Variants in CLASP2 observed in about 807,000 individuals in gnomAD.
CLASP2 encodes the protein cytoplasmic linker associated protein 2.
Under a neutral mutation model 194.4 loss-of-function variants are expected in CLASP2, and 47 were observed. The observed-to-expected ratio is 0.24, with a 90% CI of 0.19 to 0.31. The LOEUF (loss-of-function observed/expected upper bound fraction) is 0.31, where lower values mean the gene tolerates loss of function less well. Ranked by LOEUF, CLASP2 falls within the 10% of genes least tolerant of loss-of-function variation. CLASP2 has a pLI of 1.00. For synonymous variants in CLASP2, 619 were observed against 633.5 expected (o/e 0.98, Z 0.34); for missense variants, 1,445 against 1,823.6 (o/e 0.79, Z 3.78).
chr3:33,535,370 A>T lies in CLASP2; in HGVS notation c.3650T>A (p.Leu1217His). 1 of 1,613,940 alleles carries T rather than the reference A, an allele frequency of 6.2e-7. No homozygotes were observed. Among genetic ancestry groups the T allele is most frequent in the Non-Finnish European group, 8.5e-7 (1 of 1,179,868 alleles). Residue 1217 changes from leucine (L) to histidine (H), a missense_variant, in exon 34 of 39, where the codon CTC becomes CAC. Physicochemically the swap from Leu to His is moderately conservative, Grantham distance 99 (BLOSUM62 -3). Transcript: ENST00000682230. Reference protein sequence around the residue: ...QTALDNKASLLHSMPTHSSPR... With the variant: ...QTALDNKASLHHSMPTHSSPR... Reference sequence around the variant, plus strand: ...AGAGGAGTGAGTAGGCATTGAATGGAGCAATGAAGCTTTATTATCAAGAGC... The same window carrying T: ...AGAGGAGTGAGTAGGCATTGAATGGTGCAATGAAGCTTTATTATCAAGAGC...
At chr3:33,667,720 T>C (rs139886436) in intron 6 of CLASP2, among the ~76,000 whole-genome samples, 14 of 152,236 alleles carry the variant, frequency 9.2e-5, no homozygotes, top group African/African-American at 3.1e-4. Context: ...ATCCAGTTTA[T>C]AAAGCACCAC....
intron 7 of CLASP2, among the ~76,000 whole-genome samples, chr3:33,649,361 C>T (rs1401650073): frequency 6.6e-6 from 1 of 152,158 alleles, no homozygotes; most frequent in African/African-American, 2.4e-5. Context: ...AATATATGAG[C>T]TGTGGGATTA....
At position 33,607,479 on chromosome 3, in the gene CLASP2, T is replaced by G. The variant is rs1217542272; in HGVS notation, c.1449-18A>C. On this transcript the variant is annotated intron_variant, in intron 14 of 38. Coordinates refer to ENST00000682230, the MANE Select transcript of CLASP2 (RefSeq NM_001365631.1). ...CTGCATGTCTATAAAATAAAATACA[T>G]CTTTAGAGTTATGATATAGCTGTAT... The G allele has an allele frequency of 3.2e-6, 5 of 1,554,584 alleles. No individual in the cohort carries two copies. The highest frequency in any genetic ancestry group is 2.7e-5 in the African/African-American group (2 of 73,648).
chr3:33,703,152 A>G (rs777106905), intron 1 of CLASP2, among the ~76,000 whole-genome samples: 2 of 152,224 alleles, frequency 1.3e-5, no homozygotes, highest in Non-Finnish European at 2.9e-5. Flanking sequence ...GAAGATGTCT[A>G]CAGAATGGGA....
chr3:33,613,026 G>C (rs2075474544), intron 12 of CLASP2, among the ~76,000 whole-genome samples: 1 of 152,138 alleles, frequency 6.6e-6, no homozygotes, highest in East Asian at 1.9e-4. Flanking sequence ...AGCTAAAAGA[G>C]AATAATTAGA....
At chr3:33,653,380 A>C (rs1031227404) in intron 7 of CLASP2, among the ~76,000 whole-genome samples, 1 of 152,188 alleles carries the variant, frequency 6.6e-6, no homozygotes, top group Non-Finnish European at 1.5e-5. Flanking sequence ...TCTAGTGTGC[A>C]GGAAGAATAT....
At chr3:33,609,964 G>C (rs532468848) in intron 13 of CLASP2, among the ~76,000 whole-genome samples, 1 of 152,172 alleles carries the variant, frequency 6.6e-6, no homozygotes, top group Non-Finnish European at 1.5e-5. Flanking sequence ...TCTGACTCCA[G>C]AACTCACAGT....
At chr3:33,653,916 A>C (rs2083660054) in intron 7 of CLASP2, among the ~76,000 whole-genome samples, 2 of 152,140 alleles carry the variant, frequency 1.3e-5, no homozygotes, top group Non-Finnish European at 2.9e-5. Context: ...AAAATAACTC[A>C]AAAGGGTAAA....
intron 11 of CLASP2, 84 bp downstream of exon 11, chr3:33,622,051 C>T (rs970138512): frequency 3.0e-6 from 3 of 1,013,804 alleles, no homozygotes; most frequent in Non-Finnish European, 4.1e-6. Context: ...AGCTATCTTG[C>T]TACTGCTTGA....
chr3:33,602,795 A>T (rs1172016849), intron 18 of CLASP2, 157 bp downstream of exon 18: 2 of 785,606 alleles, frequency 2.5e-6, no homozygotes, highest in Non-Finnish European at 4.3e-6. Context: ...GGCAGCTCAG[A>T]TTCCTCAGAA....
intron 9 of CLASP2, among the ~76,000 whole-genome samples, chr3:33,629,623 T>C (rs1347427782): frequency 6.6e-6 from 1 of 152,128 alleles, no homozygotes; most frequent in Non-Finnish European, 1.5e-5. Flanking sequence ...GCATATCAGA[T>C]TGTTGAGGGT....
chr3:33,524,344 T>G (rs766632542), intron 34 of CLASP2, among the ~76,000 whole-genome samples: 34 of 152,112 alleles, frequency 2.2e-4, no homozygotes, highest in Non-Finnish European at 4.1e-4. Context: ...GTGGCTATAC[T>G]AATGCCAGAC....
intron 11 of CLASP2, among the ~76,000 whole-genome samples, chr3:33,619,977 T>G (rs772239547): frequency 6.6e-6 from 1 of 152,196 alleles, no homozygotes; most frequent in Non-Finnish European, 1.5e-5. Flanking sequence ...CTCTTTGCAA[T>G]TAGCACTTGG....
intron 22 of CLASP2, among the ~76,000 whole-genome samples, chr3:33,582,289 G>A (rs932364200): frequency 2.6e-5 from 4 of 152,118 alleles, no homozygotes; most frequent in African/African-American, 4.8e-5. Context: ...TTTTAATAGA[G>A]AGAAAAACCC....
At chr3:33,643,268 C>A (rs949926397) in intron 8 of CLASP2, among the ~76,000 whole-genome samples, 2 of 151,734 alleles carry the variant, frequency 1.3e-5, no homozygotes, top group Non-Finnish European at 3.0e-5. Flanking sequence ...AATATTCATC[C>A]ATTTTAAGCT....
intron 13 of CLASP2, among the ~76,000 whole-genome samples, chr3:33,610,923 G>A (rs1012893934): frequency 2.0e-5 from 3 of 152,104 alleles, no homozygotes; most frequent in African/African-American, 7.2e-5. Context: ...ATTTAAAAAG[G>A]CAGAGTTCTT....
chr3:33,573,983 G>T (rs866691105), intron 24 of CLASP2, among the ~76,000 whole-genome samples: 19 of 152,080 alleles, frequency 1.2e-4, no homozygotes, highest in Non-Finnish European at 2.9e-5. Context: ...TTTTCTCAAT[G>T]TATCTATATT....
chr3:33,659,422 T>A (rs556375857), intron 7 of CLASP2: 1 of 1,004,282 alleles, frequency 1.0e-6, no homozygotes, highest in African/African-American at 1.7e-5. Flanking sequence ...CCTAAAGATA[T>A]CCATGTAATC....
At chr3:33,638,357 T>C (rs1265690319) in intron 8 of CLASP2, among the ~76,000 whole-genome samples, 3 of 152,204 alleles carry the variant, frequency 2.0e-5, no homozygotes, top group East Asian at 1.9e-4. Context: ...CAGGCTGTAG[T>C]GCAGTGGCGC....
Sources: gnomAD v4.1 joint callset for allele counts (sites outside exome capture counted in the v4.1 genomes callset) on GRCh38, gnomAD v4.1.1 for gene constraint, MANE v1.5 for transcripts, NCBI Gene and HGNC (gene_info 2026-07-23, HGNC 2026-07-21) for gene names.